TNS1: variants seen among roughly 807,000 people sequenced by gnomAD.
TNS1 encodes tensin-1.
In TNS1, 62 loss-of-function variants were observed where a neutral mutation model predicts 168.6. That is an observed-to-expected ratio of 0.37 (90% CI 0.30 to 0.45). TNS1 has a LOEUF of 0.45. Among genes scored for constraint, TNS1 ranks in the 20% least tolerant of loss-of-function variants. TNS1 has a pLI of 1.00. For missense variants in TNS1, 2,240 were observed against 2,339.4 expected, an observed-to-expected ratio of 0.96 and a Z score of 0.88; for synonymous variants, 934 against 933.2, an observed-to-expected ratio of 1.00 and a Z score of -0.02.
intron 3 of TNS1, among the ~76,000 whole-genome samples, chr2:217,978,472 G>T (rs1957948126): frequency 6.7e-6 from 1 of 149,280 alleles, no homozygotes; most frequent in African/African-American, 2.5e-5. Flanking sequence ...TTCAAAGGCC[G>T]CTCTCTGGGA....
chr2:217,980,226 C>T (rs1055641609), intron 2 of TNS1, among the ~76,000 whole-genome samples: 1 of 152,162 alleles, frequency 6.6e-6, no homozygotes, highest in Non-Finnish European at 1.5e-5. Context: ...AGCCACCCAG[C>T]CTAGCTCAGG....
At chr2:217,930,429 G>C (rs1956260175) in intron 3 of TNS1, among the ~76,000 whole-genome samples, 1 of 152,186 alleles carries the variant, frequency 6.6e-6, no homozygotes, top group Admixed American at 6.5e-5. Context: ...AGACCAGTTG[G>C]CTGTGCCCAG....
chr2:217,940,252 C>T (rs1006648556), intron 3 of TNS1, among the ~76,000 whole-genome samples: 2 of 152,254 alleles, frequency 1.3e-5, no homozygotes, highest in Admixed American at 6.5e-5. Flanking sequence ...CACCCTCTCC[C>T]TCCACCCATT....
In TNS1 at chr2:217,808,049, G is replaced by C. The variant is rs140566266; in HGVS notation, c.5375+26C>G. The C allele has an allele frequency of 1.2e-3, 1,859 of 1,612,878 alleles. 19 individuals are homozygous for C. The African/African-American group carries it at 0.023, about 20-fold the overall frequency. ...TGTGAAGTACAAAGGCCAGCCTGCT[G>C]GGCAGGGGTAAGAAGTCACACTTAC... On this transcript the variant is annotated intron_variant, in intron 32 of 32. Coordinates refer to ENST00000682258, the MANE Select transcript of TNS1 (RefSeq NM_001387777.1).
chr2:217,850,912 G>A (rs968026834), intron 18 of TNS1, among the ~76,000 whole-genome samples: 4 of 152,006 alleles, frequency 2.6e-5, no homozygotes, highest in East Asian at 1.9e-4. Flanking sequence ...CCAACACTTC[G>A]CCAGGCACTC....
rs781038399 is a variant in TNS1, at chr2:217,882,395, C to T, written c.1263G>A (p.Glu421=). The change falls in exon 17 of 33, where the codon GAG becomes GAA. Residue 421 remains glutamate (E), a synonymous_variant. Coordinates refer to ENST00000682258, the MANE Select transcript of TNS1 (RefSeq NM_001387777.1). Reference sequence around the variant, plus strand: ...AAAATACAAACTCCACTTTGCCATACTCTGGAAATCGATCATCTGGAAAAA... The same window carrying T: ...AAAATACAAACTCCACTTTGCCATATTCTGGAAATCGATCATCTGGAAAAA... The part of the protein sequence containing the change: ...DDAFKDDRFP[E]YGKVEFVFSY... 1.2e-6 allele frequency: 2 copies of T among 1,603,486 alleles called. No individual in the cohort carries two copies. The highest frequency in any genetic ancestry group is 3.5e-5 in the Admixed American group (2 of 57,186).
chr2:217,990,793 G>C (rs1958346669), intron 2 of TNS1, 149 bp downstream of exon 2: 1 of 356,780 alleles, frequency 2.8e-6, no homozygotes, highest in African/African-American at 2.1e-5. Context: ...GTCATCCAGT[G>C]AGCTCAGCAT....
At position 217,822,003 on chromosome 2, in the gene TNS1, C is replaced by G. The variant is rs76633178; in HGVS notation, c.3374-65G>C. On this transcript the variant is annotated intron_variant, in intron 22 of 32. Coordinates refer to ENST00000682258, the MANE Select transcript of TNS1 (RefSeq NM_001387777.1). ...CACAGGGGTGCAGTGCAGGTCCCCCCCAACCTCCCCTGGAACACAGCTTCC... is the reference window on the plus strand; with the variant it reads ...CACAGGGGTGCAGTGCAGGTCCCCCGCAACCTCCCCTGGAACACAGCTTCC... The G allele has an allele frequency of 7.8e-4, 1,137 of 1,466,234 alleles. 9 individuals carry two copies. The African/African-American group carries it at 0.015, about 19-fold the overall frequency. 90.8% of individuals were successfully genotyped at this position (1,466,234 alleles called of 1,614,324 possible).
chr2:217,915,529 G>T (rs780103573), intron 4 of TNS1, among the ~76,000 whole-genome samples: 1 of 152,190 alleles, frequency 6.6e-6, no homozygotes, highest in Non-Finnish European at 1.5e-5. Context: ...AAGCCCAGGG[G>T]GTAGGTGCTC....
At chr2:217,973,189 A>G (rs532184522) in intron 3 of TNS1, among the ~76,000 whole-genome samples, 2 of 152,058 alleles carry the variant, frequency 1.3e-5, no homozygotes, top group South Asian at 4.2e-4. Context: ...CCCTGTCTCT[A>G]CAAAAAGTAA....
chr2:217,847,621 C>T lies in TNS1; in HGVS notation c.2896G>A (p.Gly966Ser). ...GPQQPPASLP[G>S]LTAQPLLSPK... is the part of the protein sequence containing the mutation. ...GAGAGCAGAGGCTGAGCAGTGAGGC[C>T]AGGGAGAGAGGCTGGGGGTTGCTGA... Residue 966 changes from glycine (G) to serine (S), a missense_variant, in exon 19 of 33, where the codon GGC becomes AGC. Gly to Ser is a moderately conservative substitution (Grantham distance 56). Transcript: ENST00000682258. 6.3e-7 allele frequency: 1 copy of T among 1,576,438 alleles called. No individual in the cohort carries two copies. The highest frequency in any genetic ancestry group is 8.7e-7 in the Non-Finnish European group (1 of 1,153,246).
Position 217,804,607 on chromosome 2 carries a change from C to A in TNS1, c.5376-4G>T, listed in dbSNP as rs1000619270. 5.0e-6 allele frequency: 8 copies of A among 1,613,816 alleles called. No individual in the cohort carries two copies. Among genetic ancestry groups the A allele is most frequent in the Non-Finnish European group, 6.8e-6 (8 of 1,179,890 alleles). On this transcript the variant is annotated splice_polypyrimidine_tract_variant and splice_region_variant and intron_variant, in intron 32 of 32. Transcript: ENST00000682258. Reference sequence around the variant, plus strand: ...CCGGGCCACGAAGCCGAAGAGCCTGCAGGCGGGAGAGGGCAACGGGCATGA... The same window carrying A: ...CCGGGCCACGAAGCCGAAGAGCCTGAAGGCGGGAGAGGGCAACGGGCATGA...
intron 1 of TNS1, among the ~76,000 whole-genome samples, chr2:218,017,826 C>G (rs1176183525): frequency 1.3e-5 from 2 of 152,242 alleles, no homozygotes; most frequent in East Asian, 3.8e-4. Flanking sequence ...CAACCACAAC[C>G]CCTCCTGGCT....
chr2:217,970,334 G>A (rs1403075272), intron 3 of TNS1, among the ~76,000 whole-genome samples: 2 of 152,158 alleles, frequency 1.3e-5, no homozygotes, highest in South Asian at 2.1e-4. Context: ...TAAAACAGCT[G>A]AGCAGCTCCT....
chr2:217,882,859 G>A (rs1056190286), intron 16 of TNS1, among the ~76,000 whole-genome samples: 15 of 152,210 alleles, frequency 9.9e-5, no homozygotes, highest in African/African-American at 3.4e-4. Context: ...ACAGTGGTGC[G>A]ATCACAGCTC....
intron 3 of TNS1, among the ~76,000 whole-genome samples, chr2:217,949,357 C>T (rs1239247302): frequency 6.6e-6 from 1 of 152,238 alleles, no homozygotes; most frequent in Non-Finnish European, 1.5e-5. Context: ...GCCTCCAGGG[C>T]AGGGTTTCCC....
At chr2:217,866,683 G>A (rs1297971914) in intron 18 of TNS1, among the ~76,000 whole-genome samples, 3 of 152,178 alleles carry the variant, frequency 2.0e-5, no homozygotes, top group South Asian at 2.1e-4. Flanking sequence ...TAGCTAGTCC[G>A]CAGCCTCTCA....
intron 3 of TNS1, among the ~76,000 whole-genome samples, chr2:217,955,311 C>G (rs1455908395): frequency 1.3e-5 from 2 of 152,218 alleles, no homozygotes; most frequent in Non-Finnish European, 2.9e-5. Flanking sequence ...TAGCCAGCTT[C>G]CCCCTCTCCA....
intron 2 of TNS1, among the ~76,000 whole-genome samples, chr2:217,989,530 T>C (rs1054826972): frequency 2.6e-5 from 4 of 152,000 alleles, no homozygotes; most frequent in African/African-American, 9.7e-5. Context: ...AGTGAAGGTG[T>C]CAGCCACTGA....
Sources: gnomAD v4.1 joint callset for allele counts (sites outside exome capture counted in the v4.1 genomes callset) on GRCh38, gnomAD v4.1.1 for gene constraint, MANE v1.5 for transcripts, NCBI Gene and HGNC (gene_info 2026-07-23, HGNC 2026-07-21) for gene names.